Variants in PAK1 observed in about 807,000 individuals in gnomAD.
The protein encoded by PAK1 is serine/threonine-protein kinase PAK 1.
PAK1 carries 29 observed loss-of-function variants against 67.4 expected under a neutral mutation model. The observed-to-expected ratio is 0.43, with a 90% confidence interval of 0.32 to 0.59. PAK1 has a LOEUF of 0.59. PAK1 is among the 20% of genes least tolerant of loss of function. The pLI, the probability that PAK1 is intolerant of heterozygous loss-of-function variation, is 0.07. For missense variants in PAK1, 337 were observed against 670.7 expected (o/e 0.50, Z 5.50); for synonymous variants, 223 against 237.4 (o/e 0.94, Z 0.56).
intron 1 of PAK1, among the ~76,000 whole-genome samples, chr11:77,428,919 T>C (rs567786426): frequency 1.1e-4 from 16 of 151,478 alleles, no homozygotes; most frequent in African/African-American, 3.1e-4. Context: ...ATCCACACAG[T>C]AGGGAGAGCC....
At chr11:77,415,799 TTTC>T (rs1954914519) in intron 1 of PAK1, among the ~76,000 whole-genome samples, 1 of 152,058 alleles carries the variant, frequency 6.6e-6, no homozygotes, top group South Asian at 2.1e-4. Context: ...TAAATTTTTT[TTTC>T]TTCAACAATA....
At chr11:77,477,679 G>A (rs1021213822), upstream of PAK1, among the ~76,000 whole-genome samples, 3 of 151,822 alleles carry the variant, frequency 2.0e-5, no homozygotes, top group African/African-American at 7.3e-5. Context: ...CTTAAGCCCC[G>A]GAGGTCAAGG....
At chr11:77,328,948 G>A (rs1249113226) in intron 14 of PAK1, among the ~76,000 whole-genome samples, 1 of 152,016 alleles carries the variant, frequency 6.6e-6, no homozygotes, top group African/African-American at 2.4e-5. Context: ...ATGATAAAGG[G>A]GAGATCACCA....
At position 77,435,760 on chromosome 11, in the gene PAK1, G is replaced by A. The variant is rs532056540; in HGVS notation, c.-22+37792C>T. ...CCTGACCTCGTGATCCGCCTGCCTC[G>A]GCCTCCCAAAGTGCTGGGATTATAG... is the stretch of plus-strand genomic sequence containing the variant. On this transcript the variant is annotated intron_variant, in intron 1 of 14. Transcript: ENST00000356341. Among the ~76,000 whole-genome samples the A allele has an allele frequency of 1.6e-4, 24 of 147,436 alleles. 1 individual carries two copies. Among genetic ancestry groups the A allele is most frequent in the Non-Finnish European group, 2.7e-4 (18 of 67,496 alleles).
intron 1 of PAK1, among the ~76,000 whole-genome samples, chr11:77,427,097 G>C (rs1955591135): frequency 6.6e-6 from 1 of 152,154 alleles, no homozygotes; most frequent in African/African-American, 2.4e-5. Flanking sequence ...AAGGAACCTA[G>C]CCTGTGATGC....
At chr11:77,498,055 C>G in the PAK1 span, among the ~76,000 whole-genome samples, 7 of 151,834 alleles carry the variant, frequency 4.6e-5, no homozygotes, top group Non-Finnish European at 1.0e-4. Flanking sequence ...TTAAAAAATT[C>G]TAATCTTCTA....
chr11:77,441,453 A>G (rs964149452), intron 1 of PAK1, among the ~76,000 whole-genome samples: 1 of 152,178 alleles, frequency 6.6e-6, no homozygotes, highest in African/African-American at 2.4e-5. Flanking sequence ...TCTTTTTCCA[A>G]TCAAATCTTA....
chr11:77,330,719 G>C (rs1336838214), intron 14 of PAK1, among the ~76,000 whole-genome samples: 4 of 152,176 alleles, frequency 2.6e-5, no homozygotes, highest in Admixed American at 6.5e-5. Flanking sequence ...CAGGACATAG[G>C]CATGGGCAAG....
the PAK1 span, among the ~76,000 whole-genome samples, chr11:77,506,716 T>C: frequency 6.6e-6 from 1 of 151,996 alleles, no homozygotes; most frequent in African/African-American, 2.4e-5. Flanking sequence ...CATATGGTGG[T>C]TTATTTATTT....
At chr11:77,409,610 A>G (rs1187114897) in intron 1 of PAK1, among the ~76,000 whole-genome samples, 1 of 152,128 alleles carries the variant, frequency 6.6e-6, no homozygotes, top group East Asian at 1.9e-4. Context: ...CAGCCATAAA[A>G]AAGAATAAAA....
chr11:77,436,432 C>G (rs1289037392), intron 1 of PAK1, among the ~76,000 whole-genome samples: 2 of 152,190 alleles, frequency 1.3e-5, no homozygotes, highest in African/African-American at 2.4e-5. Flanking sequence ...AAAATCAGAT[C>G]TAGTCCCAGA....
chr11:77,353,852 T>C (rs1945626174), intron 7 of PAK1, among the ~76,000 whole-genome samples: 1 of 152,178 alleles, frequency 6.6e-6, no homozygotes, highest in African/African-American at 2.4e-5. Flanking sequence ...AATTAATCCA[T>C]TCAGTAAATA....
At position 77,359,009 on chromosome 11, in the gene PAK1, C is replaced by A; in HGVS notation, c.486G>T (p.Lys162Asn). The change falls in exon 6 of 15, where the codon AAG becomes AAT. Residue 162 changes from lysine to asparagine, a missense_variant. Physicochemically the swap from Lys to Asn is moderately conservative, Grantham distance 94. Around this residue, in one of 8 missense-constraint regions of PAK1, gnomAD observed 150 missense variants for 179.0 expected, o/e 0.84. Coordinates refer to ENST00000356341, the MANE Select transcript of PAK1 (RefSeq NM_002576.5). Reference sequence around the variant, plus strand: ...GCACTGCAGGAGTCTCAGACACAGCCTTCACATTCTGTGCAAAGAAGAAAA... The same window carrying A: ...GCACTGCAGGAGTCTCAGACACAGCATTCACATTCTGTGCAAAGAAGAAAA... The part of the protein sequence containing the change: ...DYNSSNALNV[K>N]AVSETPAVPP... The A allele has an allele frequency of 6.2e-7, 1 of 1,613,022 alleles. No individual in the cohort carries two copies. Among genetic ancestry groups the A allele is most frequent in the Non-Finnish European group, 8.5e-7 (1 of 1,179,338 alleles).
At chr11:77,495,241 A>C in the PAK1 span, among the ~76,000 whole-genome samples, 1 of 151,994 alleles carries the variant, frequency 6.6e-6, no homozygotes, top group African/African-American at 2.4e-5. Flanking sequence ...TGGGAGACCA[A>C]AACGGGCAAA....
At chr11:77,525,438 G>C in the PAK1 span, among the ~76,000 whole-genome samples, 2 of 152,140 alleles carry the variant, frequency 1.3e-5, no homozygotes, top group Non-Finnish European at 2.9e-5. Context: ...CTCTTACATG[G>C]AGCAGGCCAT....
At chr11:77,352,594 G>A (rs922450955) in intron 8 of PAK1, among the ~76,000 whole-genome samples, 4 of 152,072 alleles carry the variant, frequency 2.6e-5, no homozygotes, top group Admixed American at 2.0e-4. Flanking sequence ...CCTAGGCCTC[G>A]ACATTCACTC....
chr11:77,488,895 AAT>A, the PAK1 span, among the ~76,000 whole-genome samples: 1 of 152,244 alleles, frequency 6.6e-6, no homozygotes, highest in Non-Finnish European at 1.5e-5. Flanking sequence ...AAGGGAAAAT[AAT>A]AGAGAACTTT....
In PAK1 at chr11:77,447,681, C is replaced by T. The variant is rs149818273; in HGVS notation, c.-22+25871G>A. Among the ~76,000 whole-genome samples the T allele has an allele frequency of 2.2e-3, 332 of 152,008 alleles. 3 individuals carry two copies. The highest frequency in any genetic ancestry group is 7.2e-3 in the African/African-American group (297 of 41,448). On this transcript the variant is annotated intron_variant, in intron 1 of 14. Coordinates refer to ENST00000356341, the MANE Select transcript of PAK1 (RefSeq NM_002576.5). ...CTGGGATTACAGGCGCCCACCACCA[C>T]GCCCAGCTAATTTTTGTATTTTTAG... is the stretch of plus-strand genomic sequence containing the variant.
chr11:77,438,785 A>T (rs1956235144), intron 1 of PAK1, among the ~76,000 whole-genome samples: 1 of 152,152 alleles, frequency 6.6e-6, no homozygotes, highest in African/African-American at 2.4e-5. Context: ...CCTCTCTGGA[A>T]CTCAGTTATT....
Sources: allele counts gnomAD v4.1 joint callset (sites outside exome capture counted in the v4.1 genomes callset), GRCh38; gene constraint gnomAD v4.1.1; regional missense constraint gnomAD v4.1.1; transcripts MANE v1.5; gene names NCBI Gene and HGNC (gene_info 2026-07-23, HGNC 2026-07-21).